The following GRAMD1B variants were observed in gnomAD, a reference collection of about 807,000 sequenced individuals.
GRAMD1B encodes protein Aster-B.
GRAMD1B carries 37 observed loss-of-function variants against 99.7 expected under a neutral mutation model. The ratio of observed to expected loss-of-function variants is 0.37; its 90% CI spans 0.29 to 0.49. The LOEUF (loss-of-function observed/expected upper bound fraction) is 0.49, where lower values mean the gene tolerates loss of function less well. Among genes scored for constraint, GRAMD1B ranks in the 20% least tolerant of loss-of-function variants. GRAMD1B has a pLI of 0.98. For missense variants in GRAMD1B, 888 were observed against 1,009.2 expected (o/e 0.88, Z 1.63); for synonymous variants, 427 against 387.6 (o/e 1.10, Z -1.19).
chr11:123,606,315 G>A (rs141973230), intron 10 of GRAMD1B, among the ~76,000 whole-genome samples: 36 of 152,368 alleles, frequency 2.4e-4, no homozygotes, highest in African/African-American at 8.7e-4. Flanking sequence ...TTGCAGGATG[G>A]TGCAGGTGCG....
chr11:123,524,985 C>T lies in GRAMD1B; in HGVS notation c.452+44092C>T, dbSNP rs1370899182. 5.3e-5 allele frequency among the ~76,000 whole-genome samples: 8 copies of T among 152,314 alleles called. No individual in the cohort carries two copies. In the South Asian group the frequency reaches 1.2e-3, roughly 24 times the overall value. ...TCTGATTTAGGAGGAGCCTCTTCCC[C>T]ATTCTCAGTGAATTGTTACTTTCCA... On this transcript the variant is annotated intron_variant, in intron 2 of 19. Coordinates refer to ENST00000635736, the MANE Select transcript of GRAMD1B (RefSeq NM_001387025.1).
intron 2 of GRAMD1B, among the ~76,000 whole-genome samples, chr11:123,481,915 G>A (rs992984285): frequency 6.6e-6 from 1 of 152,144 alleles, no homozygotes; most frequent in Non-Finnish European, 1.5e-5. Context: ...AACAAGCTGG[G>A]TGAAAAAGCA....
At chr11:123,595,879 T>C (rs1442868394) in intron 6 of GRAMD1B, 63 bp from the exon 7 acceptor site, 3 of 894,016 alleles carry the variant, frequency 3.4e-6, no homozygotes, top group Non-Finnish European at 5.4e-6. Flanking sequence ...CTGAACACTG[T>C]TTACCTGACT....
At chr11:123,570,480 G>A (rs1422409318) in intron 2 of GRAMD1B, among the ~76,000 whole-genome samples, 2 of 140,604 alleles carry the variant, frequency 1.4e-5, no homozygotes, top group East Asian at 2.1e-4. Context: ...CTAGAGTGCA[G>A]TAGCACAATC....
chr11:123,369,726 G>T lies in GRAMD1B; in HGVS notation c.-176+10927G>T, dbSNP rs569466030. ...GTCTCTACTAAAAATACAAAAATTA[G>T]CTGGGTGTGCTGGTGTGCGCCAGTG... On this transcript the variant is annotated intron_variant, in intron 1 of 20. Coordinates refer to the GRAMD1B transcript ENST00000638157. 1.3e-4 allele frequency among the ~76,000 whole-genome samples: 20 copies of T among 151,710 alleles called. No individual in the cohort carries two copies. The South Asian group carries it at 4.2e-3, about 32-fold the overall frequency.
At position 123,379,865 on chromosome 11, in the gene GRAMD1B, T is replaced by C. The variant is rs1257353000; in HGVS notation, c.-176+21066T>C. Among the ~76,000 whole-genome samples, 4 of 152,200 alleles carry C rather than the reference T, an allele frequency of 2.6e-5. No homozygotes were observed. In the South Asian group the frequency reaches 8.3e-4, roughly 31 times the overall value. On this transcript the variant is annotated intron_variant, in intron 1 of 20. Transcript: ENST00000638157. ...CGTCAGCACTTGTTATCATCTGTCT[T>C]TTATGTTATAACCATCCTAGTGGCC...
At chr11:123,570,561 T>C (rs1316504859) in intron 2 of GRAMD1B, among the ~76,000 whole-genome samples, 1 of 151,854 alleles carries the variant, frequency 6.6e-6, no homozygotes, top group Non-Finnish European at 1.5e-5. Flanking sequence ...GTAGCTGGGA[T>C]TACAGGTGTG....
In GRAMD1B at chr11:123,587,708, C is replaced by T. The variant is rs1950209071; in HGVS notation, c.684+3376C>T. 6.6e-6 allele frequency among the ~76,000 whole-genome samples: 1 copy of T among 152,202 alleles called. No homozygotes were observed. The highest frequency in any genetic ancestry group is 6.5e-5 in the Admixed American group (1 of 15,290). On this transcript the variant is annotated intron_variant, in intron 4 of 19. Coordinates refer to ENST00000635736, the MANE Select transcript of GRAMD1B (RefSeq NM_001387025.1). The surrounding 1 kb of genome is among the most constrained non-coding windows in gnomAD (Gnocchi z 4.2). The stretch of plus-strand genomic sequence containing the variant: ...GCCTGAGACTTAGCACCCTGCTTGC[C>T]TGAAGCACCTGCAGTTAGGGCTGCA...
Position 123,560,683 on chromosome 11 carries a change from C to CGT in GRAMD1B, c.453-16633_453-16632dup, listed in dbSNP as rs749623875. On this transcript the variant is annotated intron_variant, in intron 2 of 19. Transcript: ENST00000635736. ...TGCTAACTCGTGCTGACGCCTGGTG[C>CGT]GTGTGTGTGTGTGTGTGTGTGTGTG... 912 of 426,204 alleles carry CGT rather than the reference C, an allele frequency of 2.1e-3. 3 individuals are homozygous for CGT. Among genetic ancestry groups the CGT allele is most frequent in the Admixed American group, 4.1e-3 (165 of 40,092 alleles). 26.4% of individuals were successfully genotyped at this position (426,204 alleles called of 1,614,324 possible).
chr11:123,378,915 G>A (rs375362508), intron 1 of GRAMD1B, among the ~76,000 whole-genome samples: 5 of 152,178 alleles, frequency 3.3e-5, no homozygotes, highest in African/African-American at 7.2e-5. Flanking sequence ...GGTGTGACAG[G>A]CCACCTGTGT....
intron 2 of GRAMD1B, among the ~76,000 whole-genome samples, chr11:123,490,464 G>T (rs933031374): frequency 6.6e-6 from 1 of 152,154 alleles, no homozygotes; most frequent in African/African-American, 2.4e-5. Context: ...GATCAGATTT[G>T]CTTATGAAAA....
At chr11:123,573,547 A>G (rs1309032167) in intron 2 of GRAMD1B, among the ~76,000 whole-genome samples, 1 of 152,160 alleles carries the variant, frequency 6.6e-6, no homozygotes, top group Non-Finnish European at 1.5e-5. Context: ...ACAATCAGAT[A>G]GGCCTGTGTT....
At chr11:123,568,749 G>A (rs976069187) in intron 2 of GRAMD1B, among the ~76,000 whole-genome samples, 3 of 152,122 alleles carry the variant, frequency 2.0e-5, no homozygotes, top group Non-Finnish European at 4.4e-5. Flanking sequence ...TTTGGGAAGA[G>A]AACTTCTATG....
In GRAMD1B at chr11:123,569,518, G is replaced by C. The variant is rs76123353; in HGVS notation, c.453-7849G>C. On this transcript the variant is annotated intron_variant, in intron 2 of 19. Coordinates refer to ENST00000635736, the MANE Select transcript of GRAMD1B (RefSeq NM_001387025.1). ...GAATAACCATCTTCATGGAGTCCTC[G>C]TAGACTCTGAATTTGGAACTGGTTT... is the stretch of plus-strand genomic sequence containing the variant. Among the ~76,000 whole-genome samples the C allele has an allele frequency of 3.1e-3, 475 of 152,262 alleles. 5 individuals are homozygous for C. The highest frequency in any genetic ancestry group is 0.011 in the African/African-American group (443 of 41,542).
At chr11:123,570,993 C>A (rs1387531571) in intron 2 of GRAMD1B, among the ~76,000 whole-genome samples, 1 of 152,142 alleles carries the variant, frequency 6.6e-6, no homozygotes, top group Non-Finnish European at 1.5e-5. Flanking sequence ...GACAGTCTGA[C>A]TGGGAATGCG....
intron 1 of GRAMD1B, among the ~76,000 whole-genome samples, chr11:123,410,499 G>A (rs939148540): frequency 3.9e-5 from 6 of 152,196 alleles, no homozygotes; most frequent in Non-Finnish European, 7.4e-5. Flanking sequence ...CGGTGACTCC[G>A]ATACTGCCAG....
intron 1 of GRAMD1B, among the ~76,000 whole-genome samples, chr11:123,378,134 C>A (rs1423593627): frequency 1.3e-5 from 2 of 152,156 alleles, no homozygotes; most frequent in African/African-American, 4.8e-5. Flanking sequence ...GGGAGGTAGT[C>A]GAAGGTGCTA....
intron 1 of GRAMD1B, among the ~76,000 whole-genome samples, chr11:123,473,933 T>G (rs549582299): frequency 1.1e-4 from 16 of 152,308 alleles, no homozygotes; most frequent in African/African-American, 2.9e-4. Context: ...CTGCCTTCTC[T>G]TCCCCCATAC....
rs1240352883 is a variant in GRAMD1B at position 123,510,081 on chromosome 11, C to T, written c.452+29188C>T. ...CGAATTTCTCTCCTTTTGCATTCTC[C>T]ACCTTGCCGTGCCAGGCTCCGGCTT... On this transcript the variant is annotated intron_variant, in intron 2 of 19. Coordinates refer to ENST00000635736, the MANE Select transcript of GRAMD1B (RefSeq NM_001387025.1). This position sits in a 1 kb window ranked among gnomAD's most constrained non-coding sequence, Gnocchi z 4.3. 1 of 152,442 alleles carries T rather than the reference C, an allele frequency of 6.6e-6. No homozygotes were observed. Among genetic ancestry groups the T allele is most frequent in the Non-Finnish European group, 1.5e-5 (1 of 68,226 alleles). The allele number at this position is 152,442 out of a possible 1,614,324, so 9.4% of individuals were successfully genotyped here.
Sources: gnomAD v4.1 joint callset for allele counts (sites outside exome capture counted in the v4.1 genomes callset) on GRCh38, gnomAD v4.1.1 for gene constraint, Gnocchi (gnomAD v3.1) non-coding constraint, MANE v1.5 for transcripts, NCBI Gene and HGNC (gene_info 2026-07-23, HGNC 2026-07-21) for gene names.